The following CACNA1C variants were observed in gnomAD, a reference collection of about 807,000 sequenced individuals.
The protein encoded by CACNA1C is calcium voltage-gated channel subunit alpha1 C.
CACNA1C carries 30 observed loss-of-function variants against 229.0 expected under a neutral mutation model. That is an observed-to-expected ratio of 0.13 (90% confidence interval 0.10 to 0.18). CACNA1C has a LOEUF of 0.18. CACNA1C is among the 10% of genes least tolerant of loss of function. The probability of loss-of-function intolerance (pLI) is 1.00; values close to 1 mark genes in which losing one functional copy is unlikely to be tolerated. For synonymous variants in CACNA1C, 1,114 were observed against 1,132.5 expected, an observed-to-expected ratio of 0.98 and a Z score of 0.33; for missense variants, 1,658 against 2,845.0, an observed-to-expected ratio of 0.58 and a Z score of 9.49.
rs376038461 is a variant in CACNA1C, at chr12:2,533,804, C to T, written c.1391-16139C>T. On this transcript the variant is annotated intron_variant, in intron 9 of 46. Coordinates refer to ENST00000399655, the MANE Select transcript of CACNA1C (RefSeq NM_000719.7). ...TGCGTCCCTGTCCCGGTTCTGCTCT[C>T]GGCAGCCTCAGTTTTCTCATCTCCA... Among the ~76,000 whole-genome samples, 17 of 152,264 alleles carry T rather than the reference C, an allele frequency of 1.1e-4. No individual in the cohort carries two copies. The East Asian group carries it at 2.7e-3, about 24-fold the overall frequency.
chr12:2,483,765 A>G (rs1049328486), intron 5 of CACNA1C, among the ~76,000 whole-genome samples: 27 of 152,046 alleles, frequency 1.8e-4, no homozygotes, highest in Admixed American at 1.6e-3. Context: ...AGGAATTCTT[A>G]TGGCATCTCT....
rs772181879 is a variant in CACNA1C, at chr12:2,556,924, T to C, written c.1482-27T>C. ...TAAATGCACGTGTGTGTCCATCCTT[T>C]GGTAACATTTCCTTTTTCTTTTTCA... On this transcript the variant is annotated intron_variant, in intron 10 of 46. Coordinates refer to ENST00000399655, the MANE Select transcript of CACNA1C (RefSeq NM_000719.7). 4 of 1,604,932 alleles carry C rather than the reference T, an allele frequency of 2.5e-6. No individual in the cohort carries two copies. In the African/African-American group the frequency reaches 5.4e-5, roughly 21 times the overall value.
chr12:2,153,064 G>T (rs1377483404), intron 3 of CACNA1C, among the ~76,000 whole-genome samples: 1 of 152,226 alleles, frequency 6.6e-6, no homozygotes, highest in Admixed American at 6.5e-5. Context: ...GAGATCAGCA[G>T]AGTGAAGGGC....
intron 43 of CACNA1C, among the ~76,000 whole-genome samples, chr12:2,683,216 A>T (rs951664353): frequency 6.6e-6 from 1 of 152,196 alleles, no homozygotes; most frequent in African/African-American, 2.4e-5. Flanking sequence ...GTCACTAATG[A>T]CTAGCCCTTA....
At chr12:2,341,859 C>A (rs1043652273) in intron 3 of CACNA1C, among the ~76,000 whole-genome samples, 5 of 152,198 alleles carry the variant, frequency 3.3e-5, no homozygotes, top group Admixed American at 6.5e-5. Context: ...CTGTTTACCG[C>A]AGCTTAACCT....
rs375193076 is a variant in CACNA1C, at chr12:2,266,279, A to C, written c.477+145849A>C. Among the ~76,000 whole-genome samples, 8 of 152,298 alleles carry C rather than the reference A, an allele frequency of 5.3e-5. No individual in the cohort carries two copies. The South Asian group carries it at 1.4e-3, about 28-fold the overall frequency. ...GGGCCGGGCGGGCAGTACTGGGGGCATATGGCCTTGTTATTTTGATGGAGC... is the reference window on the plus strand; with the variant it reads ...GGGCCGGGCGGGCAGTACTGGGGGCCTATGGCCTTGTTATTTTGATGGAGC... On this transcript the variant is annotated intron_variant, in intron 3 of 46. Coordinates refer to ENST00000399655, the MANE Select transcript of CACNA1C (RefSeq NM_000719.7).
chr12:1,996,973 C>T (rs1035515700), intron 1 of CACNA1C, among the ~76,000 whole-genome samples: 1 of 152,128 alleles, frequency 6.6e-6, no homozygotes, highest in Non-Finnish European at 1.5e-5. Flanking sequence ...TCTTTGTACC[C>T]TCATTGAAGG....
chr12:2,369,695 C>G (rs995018927), intron 3 of CACNA1C, among the ~76,000 whole-genome samples: 1 of 152,124 alleles, frequency 6.6e-6, no homozygotes, highest in African/African-American at 2.4e-5. Context: ...TGAGCCACCA[C>G]GCCCAGCCTA....
At chr12:2,085,628 C>T (rs2067286385) in intron 1 of CACNA1C, among the ~76,000 whole-genome samples, 2 of 152,022 alleles carry the variant, frequency 1.3e-5, no homozygotes, top group African/African-American at 4.8e-5. Flanking sequence ...CATAATACAC[C>T]CCTCGGACTC....
intron 3 of CACNA1C, among the ~76,000 whole-genome samples, chr12:2,242,677 G>A (rs571261328): frequency 1.1e-3 from 171 of 152,312 alleles, no homozygotes; most frequent in African/African-American, 3.9e-3. Flanking sequence ...GTGAAGCATC[G>A]TCATGGAGAG....
chr12:2,128,652 C>G (rs1446866058), intron 3 of CACNA1C, among the ~76,000 whole-genome samples: 2 of 152,160 alleles, frequency 1.3e-5, no homozygotes, highest in Admixed American at 1.3e-4. Context: ...ACCTCGTGAT[C>G]TGCCCGCCTC....
At chr12:2,080,908 C>A (rs1226609026) in intron 1 of CACNA1C, among the ~76,000 whole-genome samples, 1 of 152,102 alleles carries the variant, frequency 6.6e-6, no homozygotes, top group Non-Finnish European at 1.5e-5. Context: ...GGTTAACTTA[C>A]ATCTAAATGG....
At chr12:2,406,567 C>A (rs983269836) in intron 3 of CACNA1C, among the ~76,000 whole-genome samples, 8 of 152,098 alleles carry the variant, frequency 5.3e-5, no homozygotes, top group Non-Finnish European at 1.0e-4. Context: ...TTTGAAATTT[C>A]ATTTATTGTT....
At position 2,522,581 on chromosome 12, in the gene CACNA1C, C is replaced by T. The variant is rs553911483; in HGVS notation, c.1390+9597C>T. Among the ~76,000 whole-genome samples, 173 of 152,152 alleles carry T rather than the reference C, an allele frequency of 1.1e-3. 1 individual carries two copies. Among genetic ancestry groups the T allele is most frequent in the African/African-American group, 3.9e-3 (163 of 41,510 alleles). ...ATATAGTCCCAGGAGAAGAGAAAGCCGGGAGTCGACAGAACAGGGACAAAG... is the reference window on the plus strand; with the variant it reads ...ATATAGTCCCAGGAGAAGAGAAAGCTGGGAGTCGACAGAACAGGGACAAAG... On this transcript the variant is annotated intron_variant, in intron 9 of 46. Transcript: ENST00000399655.
chr12:2,074,064 G>T (rs1211063618), intron 1 of CACNA1C, among the ~76,000 whole-genome samples: 1 of 152,074 alleles, frequency 6.6e-6, no homozygotes, highest in African/African-American at 2.4e-5. Flanking sequence ...AGTTGCTTAG[G>T]TTGTATTTTA....
Position 2,633,983 on chromosome 12 carries a change from G to A in CACNA1C, c.3829-314G>A, listed in dbSNP as rs2091753218. Among the ~76,000 whole-genome samples the A allele has an allele frequency of 1.3e-5, 2 of 152,130 alleles. No individual in the cohort carries two copies. The highest frequency in any genetic ancestry group is 1.3e-4 in the Admixed American group (2 of 15,286). On this transcript the variant is annotated intron_variant, in intron 29 of 46. Transcript: ENST00000399655. The surrounding 1 kb of genome is among the most constrained non-coding windows in gnomAD (Gnocchi z 5.8). ...GGAGCTGAGCAGAGGGAGTGGCGGTGCAGGGGACACACCGCCCGGCTCCCC... is the reference window on the plus strand; with the variant it reads ...GGAGCTGAGCAGAGGGAGTGGCGGTACAGGGGACACACCGCCCGGCTCCCC...
intron 29 of CACNA1C, among the ~76,000 whole-genome samples, chr12:2,625,689 A>T (rs939325236): frequency 1.3e-5 from 2 of 151,712 alleles, no homozygotes; most frequent in African/African-American, 4.8e-5. Flanking sequence ...AGTGGCTCAC[A>T]CCTGTAATCC....
In CACNA1C at chr12:2,054,902, C is replaced by A. The variant is rs902818969; in HGVS notation, c.49+1291C>A. Among the ~76,000 whole-genome samples the A allele has an allele frequency of 3.3e-5, 5 of 152,112 alleles. No individual in the cohort carries two copies. The East Asian group carries it at 9.6e-4, about 29-fold the overall frequency. The stretch of plus-strand genomic sequence containing the variant: ...GGAGTTGTCTCCAGGTCTTTTTGTC[C>A]AGCTTTTTCCCTCTGTTTGCTCCCA... On this transcript the variant is annotated intron_variant, in intron 1 of 46. Transcript: ENST00000399655. This position sits in a 1 kb window ranked among gnomAD's most constrained non-coding sequence, Gnocchi z 5.5.
At chr12:2,636,560 AT>A (rs1356263305) in intron 30 of CACNA1C, among the ~76,000 whole-genome samples, 1 of 152,188 alleles carries the variant, frequency 6.6e-6, no homozygotes, top group Non-Finnish European at 1.5e-5. Context: ...ACAGGTAAGA[AT>A]TCTCATCCCC....
Sources: allele counts gnomAD v4.1 joint callset (sites outside exome capture counted in the v4.1 genomes callset), GRCh38; gene constraint gnomAD v4.1.1; non-coding constraint Gnocchi (gnomAD v3.1); transcripts MANE v1.5; gene names NCBI Gene and HGNC (gene_info 2026-07-23, HGNC 2026-07-21).